The following DPYD variants were observed in gnomAD, a reference collection of about 807,000 sequenced individuals.
DPYD encodes the protein dihydropyrimidine dehydrogenase, also known as dihydropyrimidine dehydrogenase [NADP(+)].
DPYD carries 109 observed loss-of-function variants against 116.2 expected under a neutral mutation model. The ratio of observed to expected loss-of-function variants is 0.94; its 90% CI spans 0.80 to 1.10. The LOEUF is 1.10. Among genes scored for constraint, DPYD ranks in the 50% least tolerant of loss-of-function variants. DPYD has a pLI of 0.00. For missense variants in DPYD, 1,302 were observed against 1,254.5 expected (o/e 1.04, Z -0.57); for synonymous variants, 440 against 432.0 (o/e 1.02, Z -0.23).
intron 20 of DPYD, among the ~76,000 whole-genome samples, chr1:97,136,639 T>C (rs1365195691): frequency 6.6e-6 from 1 of 152,082 alleles, no homozygotes; most frequent in Non-Finnish European, 1.5e-5. Context: ...AGTGCTTCAG[T>C]ATTAGAAGGT....
intron 20 of DPYD, among the ~76,000 whole-genome samples, chr1:97,173,295 C>T (rs1017796550): frequency 7.8e-6 from 1 of 127,522 alleles, no homozygotes; most frequent in African/African-American, 2.7e-5. Context: ...TATATGTACA[C>T]ATATGTACAT....
At chr1:97,712,571 T>TA (rs1662350970) in intron 5 of DPYD, among the ~76,000 whole-genome samples, 1 of 152,136 alleles carries the variant, frequency 6.6e-6, no homozygotes, top group Non-Finnish European at 1.5e-5. Context: ...TTTCCTAACA[T>TA]AGTTTCTACC....
At chr1:97,295,231 A>G (rs778467770) in intron 18 of DPYD, among the ~76,000 whole-genome samples, 1 of 152,172 alleles carries the variant, frequency 6.6e-6, no homozygotes, top group Non-Finnish European at 1.5e-5. Context: ...AAAGTGTTCA[A>G]TAAAGTTCTG....
chr1:97,743,610 T>C (rs1042001653), intron 3 of DPYD, among the ~76,000 whole-genome samples: 1 of 152,124 alleles, frequency 6.6e-6, no homozygotes, highest in Non-Finnish European at 1.5e-5. Context: ...AGGTACTGCA[T>C]TACAATGATA....
At chr1:97,167,990 CAT>C (rs1374728678) in intron 20 of DPYD, among the ~76,000 whole-genome samples, 7 of 152,132 alleles carry the variant, frequency 4.6e-5, no homozygotes, top group Admixed American at 6.6e-5. Flanking sequence ...AATAAAATAA[CAT>C]ATCCTGATGG....
chr1:97,141,817 G>C (rs989486344), intron 20 of DPYD, among the ~76,000 whole-genome samples: 1 of 152,080 alleles, frequency 6.6e-6, no homozygotes, highest in Admixed American at 6.6e-5. Flanking sequence ...ATGCCCAGAG[G>C]CCTCTGTGTC....
At chr1:97,203,892 A>G (rs562486256) in intron 19 of DPYD, among the ~76,000 whole-genome samples, 1 of 151,908 alleles carries the variant, frequency 6.6e-6, no homozygotes, top group Admixed American at 6.6e-5. Flanking sequence ...CTACCTCTGA[A>G]AGCATTCACA....
At chr1:97,699,632 T>C (rs1661484754) in intron 5 of DPYD, 85 bp from the exon 6 acceptor site, 2 of 1,332,344 alleles carry the variant, frequency 1.5e-6, no homozygotes, top group Middle Eastern at 1.8e-4. Context: ...AACGAATTCT[T>C]GTTTTAAATA....
At chr1:97,660,841 G>A (rs1201812077) in intron 8 of DPYD, among the ~76,000 whole-genome samples, 1 of 152,076 alleles carries the variant, frequency 6.6e-6, no homozygotes, top group Non-Finnish European at 1.5e-5. Flanking sequence ...TTCTGCCTAT[G>A]TTCTTCTTTT....
Position 97,346,696 on chromosome 1 carries a change from A to G in DPYD, c.2058+26865T>C, listed in dbSNP as rs148125900. 2.5e-3 allele frequency among the ~76,000 whole-genome samples: 384 copies of G among 151,924 alleles called. 1 individual carries two copies. Among genetic ancestry groups the G allele is most frequent in the African/African-American group, 8.8e-3 (365 of 41,520 alleles). ...ATTGTCTTACTAGTATTTAGTTAAT[A>G]GTTCAAAATTTTCTCACTGGTTTGT... On this transcript the variant is annotated intron_variant, in intron 16 of 22. Coordinates refer to ENST00000370192, the MANE Select transcript of DPYD (RefSeq NM_000110.4).
chr1:97,366,831 T>A, intron 16 of DPYD, among the ~76,000 whole-genome samples: 1 of 152,100 alleles, frequency 6.6e-6, no homozygotes, highest in East Asian at 1.9e-4. Context: ...GTGGCTTAAG[T>A]TTGTTGTATT....
At chr1:97,612,830 T>C (rs1318812128) in intron 8 of DPYD, among the ~76,000 whole-genome samples, 1 of 151,980 alleles carries the variant, frequency 6.6e-6, no homozygotes, top group Non-Finnish European at 1.5e-5. Context: ...AGAGTTGTCA[T>C]TTACCTGAGG....
chr1:97,111,900 T>G (rs2101625353), intron 20 of DPYD, among the ~76,000 whole-genome samples: 1 of 152,180 alleles, frequency 6.6e-6, no homozygotes, highest in African/African-American at 2.4e-5. Context: ...ACTTAACTTT[T>G]GTAAGATCTC....
At chr1:97,811,120 C>G (rs886948409) in intron 3 of DPYD, among the ~76,000 whole-genome samples, 22 of 152,014 alleles carry the variant, frequency 1.4e-4, no homozygotes, top group Admixed American at 6.6e-4. Flanking sequence ...TGAAGACTCC[C>G]CTGTCAAATC....
chr1:97,343,880 T>C (rs1157457975), intron 16 of DPYD, among the ~76,000 whole-genome samples: 1 of 152,024 alleles, frequency 6.6e-6, no homozygotes, highest in Admixed American at 6.6e-5. Flanking sequence ...TGTAAGTCTT[T>C]AAAATTTTAA....
intron 13 of DPYD, among the ~76,000 whole-genome samples, chr1:97,475,621 T>G (rs1265346779): frequency 6.6e-6 from 1 of 152,200 alleles, no homozygotes; most frequent in Non-Finnish European, 1.5e-5. Flanking sequence ...TACTTACTCT[T>G]TGTGGATCTG....
At chr1:97,268,252 C>T (rs1326894319) in intron 18 of DPYD, among the ~76,000 whole-genome samples, 1 of 152,096 alleles carries the variant, frequency 6.6e-6, no homozygotes, top group Non-Finnish European at 1.5e-5. Context: ...GCAGCTCTCA[C>T]AATTTGGCGT....
At chr1:97,559,663 C>A (rs558759027) in intron 11 of DPYD, among the ~76,000 whole-genome samples, 1 of 150,626 alleles carries the variant, frequency 6.6e-6, no homozygotes, top group Non-Finnish European at 1.5e-5. Context: ...CCTTGTCAAT[C>A]GTCAGTAGGC....
At chr1:97,331,955 C>T (rs896520383) in intron 16 of DPYD, among the ~76,000 whole-genome samples, 1 of 152,242 alleles carries the variant, frequency 6.6e-6, no homozygotes, top group South Asian at 2.1e-4. Flanking sequence ...TATCTATTAT[C>T]CAGAAACTTT....
Sources: gnomAD v4.1 joint callset for allele counts (sites outside exome capture counted in the v4.1 genomes callset) on GRCh38, gnomAD v4.1.1 for gene constraint, MANE v1.5 for transcripts, NCBI Gene and HGNC (gene_info 2026-07-23, HGNC 2026-07-21) for gene names.